Variants in OSBPL2 observed in about 807,000 individuals in gnomAD.
OSBPL2 encodes the protein oxysterol binding protein like 2.
OSBPL2 carries 18 observed loss-of-function variants against 58.4 expected under a neutral mutation model. The observed-to-expected ratio is 0.31, with a 90% confidence interval of 0.21 to 0.46. The LOEUF (loss-of-function observed/expected upper bound fraction) is 0.46, where lower values mean the gene tolerates loss of function less well. Ranked by LOEUF, OSBPL2 falls within the 20% of genes least tolerant of loss-of-function variation. The probability of loss-of-function intolerance (pLI) is 1.00; values close to 1 mark genes in which losing one functional copy is unlikely to be tolerated. For missense variants in OSBPL2, 461 were observed against 616.5 expected, an observed-to-expected ratio of 0.75 and a Z score of 2.67; for synonymous variants, 221 against 234.1, an observed-to-expected ratio of 0.94 and a Z score of 0.51.
intron 13 of OSBPL2, among the ~76,000 whole-genome samples, chr20:62,293,017 T>C (rs372591578): frequency 0.012 from 1,819 of 151,942 alleles, 16 homozygotes; most frequent in Middle Eastern, 0.027. Flanking sequence ...TACAGGTGCC[T>C]GCCACCACGC....
rs150266613 is a variant in OSBPL2 at position 62,241,557 on chromosome 20, C to T, written c.-129+2960C>T. 5.3e-5 allele frequency among the ~76,000 whole-genome samples: 8 copies of T among 152,372 alleles called. No homozygotes were observed. In the East Asian group the frequency reaches 1.3e-3, roughly 26 times the overall value. ...CCATGCAAGCCATGTCTTGTCTGGC[C>T]GTGCAGGCACAGCTGGCGCCGTGCC... On this transcript the variant is annotated intron_variant, in intron 1 of 13. Transcript: ENST00000313733.
intron 11 of OSBPL2, among the ~76,000 whole-genome samples, chr20:62,287,805 GT>G (rs1020640462): frequency 2.0e-5 from 3 of 151,866 alleles, no homozygotes. Flanking sequence ...AATTGCGTAT[GT>G]TTTTTTTCAG....
chr20:62,260,272 G>C, intron 3 of OSBPL2, 147 bp downstream of exon 3: 3 of 738,542 alleles, frequency 4.1e-6, no homozygotes, highest in Non-Finnish European at 6.7e-6. Flanking sequence ...AGCCTCCTCT[G>C]TCTGGCCAGC....
chr20:62,251,037 ATTTTTTTT>A (rs35328509), intron 1 of OSBPL2, among the ~76,000 whole-genome samples: 52 of 97,810 alleles, frequency 5.3e-4, no homozygotes, highest in African/African-American at 1.7e-3. Flanking sequence ...AGAGCAATAG[ATTTTTTTT>A]TTTTTTTTTT....
intron 4 of OSBPL2, among the ~76,000 whole-genome samples, chr20:62,264,986 G>A (rs542827177): frequency 1.3e-5 from 2 of 152,182 alleles, no homozygotes; most frequent in African/African-American, 4.8e-5. Flanking sequence ...TGTGATAGCC[G>A]CATGTCTTGT....
chr20:62,257,026 C>T (rs1330482440), intron 2 of OSBPL2, among the ~76,000 whole-genome samples: 5 of 152,248 alleles, frequency 3.3e-5, no homozygotes, highest in African/African-American at 9.6e-5. Context: ...CCTTAGGCGT[C>T]GGGATCAGAA....
chr20:62,241,215 G>A (rs1979705598), intron 1 of OSBPL2, among the ~76,000 whole-genome samples: 1 of 151,830 alleles, frequency 6.6e-6, no homozygotes, highest in Non-Finnish European at 1.5e-5. Flanking sequence ...CTGTCGCCCA[G>A]GCTGGAGTGC....
chr20:62,240,362 T>TC (rs751761400), intron 1 of OSBPL2, among the ~76,000 whole-genome samples: 9 of 152,192 alleles, frequency 5.9e-5, no homozygotes, highest in Non-Finnish European at 1.2e-4. Flanking sequence ...TCTTCATGTG[T>TC]CCATCTATTA....
chr20:62,270,179 C>T (rs999802957), intron 4 of OSBPL2, among the ~76,000 whole-genome samples: 2 of 152,204 alleles, frequency 1.3e-5, no homozygotes, highest in Non-Finnish European at 2.9e-5. Flanking sequence ...TTGGTGGGGC[C>T]GTCCTAGTCC....
intron 2 of OSBPL2, among the ~76,000 whole-genome samples, chr20:62,258,491 G>A (rs1377105112): frequency 1.3e-5 from 2 of 152,214 alleles, no homozygotes; most frequent in Non-Finnish European, 2.9e-5. Context: ...GGCTATGAAC[G>A]CAGAGGGGCT....
At chr20:62,284,247 C>T (rs1314979198) in intron 10 of OSBPL2, 78 bp downstream of exon 10, 8 of 1,576,652 alleles carry the variant, frequency 5.1e-6, no homozygotes, top group Non-Finnish European at 7.0e-6. Context: ...CTTTAGCTCA[C>T]CTGTTGGGGT....
intron 1 of OSBPL2, among the ~76,000 whole-genome samples, chr20:62,252,333 TTC>T (rs1241356129): frequency 2.0e-5 from 3 of 152,182 alleles, no homozygotes; most frequent in African/African-American, 7.2e-5. Flanking sequence ...TTCCCTCTCC[TTC>T]TCTCTTTCTG....
At chr20:62,258,490 C>T (rs1468317428) in intron 2 of OSBPL2, among the ~76,000 whole-genome samples, 3 of 152,210 alleles carry the variant, frequency 2.0e-5, no homozygotes, top group African/African-American at 4.8e-5. Flanking sequence ...GGGCTATGAA[C>T]GCAGAGGGGC....
At position 62,263,823 on chromosome 20, in the gene OSBPL2, T is replaced by A. The variant is rs111895604; in HGVS notation, c.258+132T>A. The A allele has an allele frequency of 4.4e-3, 3,331 of 748,842 alleles. 79 individuals carry two copies. In the African/African-American group the frequency reaches 0.045, roughly 10 times the overall value. The allele number at this position is 748,842 out of a possible 1,614,324, so 46.4% of individuals were successfully genotyped here. A position where few individuals can be genotyped will look rare whatever the true frequency, so the allele number is the denominator to read the frequency against. The stretch of plus-strand genomic sequence containing the variant: ...GCTCACGCCTATAATCTCAGCACTT[T>A]GGGAGGCCGAGGTGGGCGGATCACG... On this transcript the variant is annotated intron_variant, in intron 4 of 13. Transcript: ENST00000313733.
chr20:62,284,003 G>C, intron 9 of OSBPL2, 43 bp from the exon 10 acceptor site: 1 of 1,584,462 alleles, frequency 6.3e-7, no homozygotes, highest in Non-Finnish European at 8.6e-7. Context: ...CAAATGGTTT[G>C]TAATGACTAA....
At position 62,256,268 on chromosome 20, in the gene OSBPL2, T is replaced by C. The variant is rs765657944; in HGVS notation, c.37+47T>C. ...TGGGGACGTACTGGAAGGGTGAACG[T>C]CCCTGGATTCAGATGTTGGACCTGG... On this transcript the variant is annotated intron_variant, in intron 2 of 13. Transcript: ENST00000313733. The C allele has an allele frequency of 5.7e-6, 9 of 1,566,466 alleles. No homozygotes were observed. In the Admixed American group the frequency reaches 1.5e-4, roughly 26 times the overall value.
intron 6 of OSBPL2, among the ~76,000 whole-genome samples, chr20:62,275,869 T>A (rs1308101239): frequency 1.3e-5 from 2 of 151,926 alleles, no homozygotes; most frequent in African/African-American, 2.4e-5. Context: ...GGCCGCTGTT[T>A]TGGGGCCCTT....
chr20:62,260,088 G>A lies in OSBPL2; in HGVS notation c.145G>A (p.Glu49Lys), dbSNP rs1377755056. The change falls in exon 3 of 14, where the codon GAG becomes AAG. Residue 49 changes from glutamate (E) to lysine (K), a missense_variant. Coordinates refer to ENST00000313733, the MANE Select transcript of OSBPL2 (RefSeq NM_144498.4). ...AAATAATAGGATTGGGAAAACTGGG[G>A]AGAGGCCCTCTCAAGAGAACGGAAT... ...SKNNRIGKTGERPSQENGIQK... is the reference protein window; with the variant it reads ...SKNNRIGKTGKRPSQENGIQK... The A allele has an allele frequency of 6.2e-7, 1 of 1,614,002 alleles. No homozygotes were observed. Among genetic ancestry groups the A allele is most frequent in the Non-Finnish European group, 8.5e-7 (1 of 1,179,914 alleles).
intron 1 of OSBPL2, among the ~76,000 whole-genome samples, chr20:62,253,333 T>G (rs1385737110): frequency 6.6e-6 from 1 of 152,198 alleles, no homozygotes; most frequent in Non-Finnish European, 1.5e-5. Context: ...ACTTGTGGGC[T>G]TACTGGCATC....
Sources: allele counts gnomAD v4.1 joint callset (sites outside exome capture counted in the v4.1 genomes callset), GRCh38; gene constraint gnomAD v4.1.1; transcripts MANE v1.5; gene names NCBI Gene and HGNC (gene_info 2026-07-23, HGNC 2026-07-21).